The following DENND1A variants were observed in gnomAD, a reference collection of about 807,000 sequenced individuals.
The protein encoded by DENND1A is DENN domain-containing protein 1A.
A neutral mutation model predicts 113.7 loss-of-function variants in DENND1A; 51 were observed. The observed-to-expected ratio is 0.45, with a 90% confidence interval of 0.36 to 0.57. The LOEUF is 0.57. Ranked by LOEUF, DENND1A falls within the 20% of genes least tolerant of loss-of-function variation. The pLI is 0.00. For missense variants in DENND1A, 1,258 were observed against 1,395.9 expected (o/e 0.90, Z 1.57); for synonymous variants, 565 against 570.8 (o/e 0.99, Z 0.14).
In DENND1A at chr9:123,437,569, C is replaced by T. The variant is rs565813461; in HGVS notation, c.1488+2791G>A. On this transcript the variant is annotated intron_variant, in intron 19 of 23. Transcript: ENST00000394215. ...GATTTTTTTGAGGTTAAAATAGGTG[C>T]TCTCTCTGGCTGGTTAAGATGATTT... 4 of 152,348 alleles carry T rather than the reference C, an allele frequency of 2.6e-5. No homozygotes were observed. In the South Asian group the frequency reaches 8.3e-4, roughly 32 times the overall value. 9.4% of individuals were successfully genotyped at this position (152,348 alleles called of 1,614,324 possible).
rs375562649 is a variant in DENND1A at position 123,647,988 on chromosome 9, T to C, written c.618+4025A>G. Among the ~76,000 whole-genome samples, 13 of 152,330 alleles carry C rather than the reference T, an allele frequency of 8.5e-5. No homozygotes were observed. In the South Asian group the frequency reaches 2.1e-3, roughly 24 times the overall value. ...AGTTTTGTAGCACATACCCTTCAAA[T>C]AGTAGTAAATGACATTCTCTAATAC... On this transcript the variant is annotated intron_variant, in intron 9 of 23. Coordinates refer to ENST00000394215, the MANE Select transcript of DENND1A (RefSeq NM_001352964.2).
chr9:123,655,791 A>T (rs979794298), intron 8 of DENND1A, among the ~76,000 whole-genome samples: 10 of 152,222 alleles, frequency 6.6e-5, no homozygotes, highest in Non-Finnish European at 1.5e-5. Flanking sequence ...TTCTGCTGAT[A>T]AAAGACACAA....
intron 2 of DENND1A, among the ~76,000 whole-genome samples, chr9:123,796,653 C>T (rs185456625): frequency 1.3e-5 from 2 of 152,008 alleles, no homozygotes; most frequent in South Asian, 2.1e-4. Flanking sequence ...TCCTAGAAAA[C>T]GTGGTAGACA....
At chr9:123,830,484 T>C (rs1250632410) in intron 2 of DENND1A, among the ~76,000 whole-genome samples, 2 of 151,916 alleles carry the variant, frequency 1.3e-5, no homozygotes, top group Admixed American at 6.6e-5. Context: ...TATATGTGAG[T>C]TATAAATCAA....
chr9:123,737,465 G>T (rs2068653520), intron 5 of DENND1A, among the ~76,000 whole-genome samples: 1 of 152,168 alleles, frequency 6.6e-6, no homozygotes, highest in African/African-American at 2.4e-5. Flanking sequence ...TAGGATTACA[G>T]ATGTGAGCCA....
intron 13 of DENND1A, among the ~76,000 whole-genome samples, chr9:123,555,449 A>G (rs2057364855): frequency 6.6e-6 from 1 of 152,096 alleles, no homozygotes; most frequent in African/African-American, 2.4e-5. Context: ...TGGCGCACTC[A>G]CTGGCTATGA....
At chr9:123,519,393 T>C (rs1361224987) in intron 13 of DENND1A, among the ~76,000 whole-genome samples, 1 of 152,056 alleles carries the variant, frequency 6.6e-6, no homozygotes, top group African/African-American at 2.4e-5. Context: ...TGAGGCTGAC[T>C]CTTTCAGATT....
chr9:123,761,052 C>G (rs2070996643), intron 4 of DENND1A, among the ~76,000 whole-genome samples: 1 of 152,158 alleles, frequency 6.6e-6, no homozygotes, highest in African/African-American at 2.4e-5. Flanking sequence ...ACCCAGGATT[C>G]TCCAGGAAAA....
chr9:123,863,508 C>T (rs566534639), intron 2 of DENND1A, among the ~76,000 whole-genome samples: 1 of 152,086 alleles, frequency 6.6e-6, no homozygotes, highest in East Asian at 1.9e-4. Flanking sequence ...GAGTAAACTA[C>T]ATTTCCTTTA....
chr9:123,825,948 T>C (rs1839257893), intron 2 of DENND1A, among the ~76,000 whole-genome samples: 1 of 152,228 alleles, frequency 6.6e-6, no homozygotes, highest in African/African-American at 2.4e-5. Flanking sequence ...GTTTTCTTTT[T>C]CTGCTGCCAT....
intron 10 of DENND1A, among the ~76,000 whole-genome samples, chr9:123,616,282 G>C (rs528467590): frequency 6.6e-6 from 1 of 152,214 alleles, no homozygotes; most frequent in East Asian, 1.9e-4. Context: ...GGATCACCCA[G>C]TTAATGGTGA....
chr9:123,863,741 G>A (rs1845406805), intron 2 of DENND1A, among the ~76,000 whole-genome samples: 1 of 152,134 alleles, frequency 6.6e-6, no homozygotes, highest in Non-Finnish European at 1.5e-5. Flanking sequence ...GCATAGCAAA[G>A]CTAAAGTTAC....
intron 12 of DENND1A, among the ~76,000 whole-genome samples, chr9:123,572,873 A>C (rs74623149): frequency 0.018 from 2,733 of 152,186 alleles, 82 homozygotes; most frequent in African/African-American, 0.062. Context: ...GCCTACCCCC[A>C]ATTCATGAGG....
At chr9:123,766,134 C>T (rs1190079087) in intron 4 of DENND1A, among the ~76,000 whole-genome samples, 2 of 152,156 alleles carry the variant, frequency 1.3e-5, no homozygotes, top group South Asian at 2.1e-4. Context: ...TAGGCTCACT[C>T]GGGGCTTCTC....
chr9:123,524,784 C>T (rs1178268765), intron 13 of DENND1A, among the ~76,000 whole-genome samples: 1 of 152,174 alleles, frequency 6.6e-6, no homozygotes, highest in Non-Finnish European at 1.5e-5. Context: ...AACATTTGTA[C>T]CTTTGTGCTC....
intron 1 of DENND1A, among the ~76,000 whole-genome samples, chr9:123,892,123 C>T (rs1850000467): frequency 6.6e-6 from 1 of 152,130 alleles, no homozygotes; most frequent in African/African-American, 2.4e-5. Flanking sequence ...TAGCTAAGTA[C>T]TGATTAGCAT....
rs866794914 is a variant in DENND1A at position 123,824,187 on chromosome 9, G to C, written c.89-31557C>G. Among the ~76,000 whole-genome samples, 3 of 152,278 alleles carry C rather than the reference G, an allele frequency of 2.0e-5. 1 individual carries two copies. Among genetic ancestry groups the C allele is most frequent in the South Asian group, 4.1e-4 (2 of 4,826 alleles). ...TAACCCTACAGAAGAAACAGGCTCA[G>C]AGAGGTAAAGTAGGGAGAATCTGAC... On this transcript the variant is annotated intron_variant, in intron 2 of 23. Transcript: ENST00000394215.
chr9:123,523,610 C>T (rs980232008), intron 13 of DENND1A, among the ~76,000 whole-genome samples: 3 of 152,164 alleles, frequency 2.0e-5, no homozygotes, highest in African/African-American at 7.2e-5. Flanking sequence ...TAAAGTTAAC[C>T]TATTTCTCAT....
At chr9:123,760,174 CT>C (rs1274838422) in intron 4 of DENND1A, among the ~76,000 whole-genome samples, 1 of 152,154 alleles carries the variant, frequency 6.6e-6, no homozygotes, top group Non-Finnish European at 1.5e-5. Context: ...TCAATTATTA[CT>C]TTATAAATTA....
Sources: gnomAD v4.1 joint callset for allele counts (sites outside exome capture counted in the v4.1 genomes callset) on GRCh38, gnomAD v4.1.1 for gene constraint, MANE v1.5 for transcripts, NCBI Gene and HGNC (gene_info 2026-07-23, HGNC 2026-07-21) for gene names.